ZDHHC9: variants seen among roughly 807,000 people sequenced by gnomAD.
ZDHHC9 encodes palmitoyltransferase ZDHHC9.
Under a neutral mutation model 26.6 loss-of-function variants are expected in ZDHHC9, and 3 were observed. That is an observed-to-expected ratio of 0.11 (90% confidence interval 0.05 to 0.29). The LOEUF (loss-of-function observed/expected upper bound fraction) is 0.29, where lower values mean the gene tolerates loss of function less well. ZDHHC9 is among the 10% of genes least tolerant of loss of function. ZDHHC9 has a pLI of 1.00. For synonymous variants in ZDHHC9, 111 were observed against 109.4 expected, an observed-to-expected ratio of 1.01 and a Z score of -0.09; for missense variants, 146 against 296.4, an observed-to-expected ratio of 0.49 and a Z score of 3.73.
chrX:129,804,857 G>T lies in ZDHHC9; in HGVS notation c.*1513C>A, dbSNP rs1192247774. The T allele has an allele frequency of 9.0e-6, 1 of 111,007 alleles. No homozygotes were observed. Among genetic ancestry groups the T allele is most frequent in the Non-Finnish European group, 1.9e-5 (1 of 52,900 alleles). 9.1% of individuals were successfully genotyped at this position (111,007 alleles called of 1,213,427 possible). A position where few individuals can be genotyped will look rare whatever the true frequency, so the allele number is the denominator to read the frequency against. ...TTAATGGAAGTTTGGGGAGTAACAA[G>T]CAACCCCTTCCAACCCCCACCCCCA... On this transcript the variant is annotated 3_prime_UTR_variant, in exon 11 of 11. Coordinates refer to ENST00000357166, the MANE Select transcript of ZDHHC9 (RefSeq NM_016032.4).
At position 129,829,034 on chromosome X, in the gene ZDHHC9, C is replaced by T; in HGVS notation, c.275G>A (p.Gly92Glu). Residue 92 changes from glycine (G) to glutamate (E), a missense_variant, in exon 4 of 11, where the codon GGA becomes GAA. This residue lies in a region of ZDHHC9 where 100 missense variants were observed against 250.0 expected (regional missense o/e 0.40). Coordinates refer to ENST00000357166, the MANE Select transcript of ZDHHC9 (RefSeq NM_016032.4). ...TLLRTSFSDP[G>E]VIPRALPDEA... ...ATCTGGTAGCGCCCGAGGAATCACT[C>T]CAGGGTCACTGAAGCTGGTCCTCAA... 1 of 1,211,823 alleles carries T rather than the reference C, an allele frequency of 8.3e-7. No homozygotes were observed. The highest frequency in any genetic ancestry group is 1.1e-6 in the Non-Finnish European group (1 of 895,556).
intron 6 of ZDHHC9, among the ~76,000 whole-genome samples, chrX:129,813,927 G>C (rs1927702593): frequency 8.9e-6 from 1 of 112,235 alleles, no homozygotes; most frequent in Non-Finnish European, 1.9e-5. Context: ...TTCCAGTGCA[G>C]GACCAGGCCC....
At chrX:129,828,284 T>G (rs111385318) in intron 4 of ZDHHC9, among the ~76,000 whole-genome samples, 10 of 111,728 alleles carry the variant, frequency 9.0e-5, no homozygotes, top group Non-Finnish European at 1.9e-4. Context: ...CTTGAGCCAC[T>G]TGCTCAAGCC....
At chrX:129,809,841 A>C (rs1569317220) in intron 10 of ZDHHC9, among the ~76,000 whole-genome samples, 3 of 110,210 alleles carry the variant, frequency 2.7e-5, no homozygotes, top group Non-Finnish European at 5.7e-5. Flanking sequence ...CTACTAAAAA[A>C]TACAAAATTA....
intron 4 of ZDHHC9, among the ~76,000 whole-genome samples, chrX:129,826,311 C>T (rs1034639086): frequency 9.0e-6 from 1 of 111,183 alleles, no homozygotes; most frequent in Non-Finnish European, 1.9e-5. Context: ...CCGTATCAGG[C>T]AAGGGCATCA....
intron 7 of ZDHHC9, among the ~76,000 whole-genome samples, chrX:129,813,226 C>T (rs777239976): frequency 1.1e-4 from 12 of 112,007 alleles, no homozygotes; most frequent in Middle Eastern, 4.6e-3. Flanking sequence ...GTGAAACCCC[C>T]GTCTCTATTA....
intron 3 of ZDHHC9, among the ~76,000 whole-genome samples, chrX:129,836,040 C>T (rs746780140): frequency 1.6e-3 from 180 of 111,633 alleles, no homozygotes; most frequent in Non-Finnish European, 2.0e-3. Context: ...CCAGAGAATG[C>T]ACTCTTGGTT....
intron 5 of ZDHHC9, among the ~76,000 whole-genome samples, chrX:129,815,522 A>G (rs1018563026): frequency 8.9e-6 from 1 of 112,197 alleles, no homozygotes; most frequent in Non-Finnish European, 1.9e-5. Flanking sequence ...TACTGGAAGA[A>G]AACAGATGAC....
Position 129,841,848 on chromosome X carries a change from C to T in ZDHHC9, c.98G>A (p.Arg33Gln), listed in dbSNP as rs767597857. The stretch of plus-strand genomic sequence containing the variant: ...GGTCAGGTAGAAAATGCCCTTTTGC[C>T]GGGCCATCATGACGCGGCCATCACA... ...FCCDGRVMMA[R>Q]QKGIFYLTLF... The change falls in exon 3 of 11, where the codon CGG becomes CAG. Residue 33 changes from arginine to glutamine, a missense_variant. By Grantham distance (43) the Arg-to-Gln change is conservative (BLOSUM62 1). Coordinates refer to ENST00000357166, the MANE Select transcript of ZDHHC9 (RefSeq NM_016032.4). 6.6e-6 allele frequency: 8 copies of T among 1,209,825 alleles called. No individual in the cohort carries two copies. Among genetic ancestry groups the T allele is most frequent in the South Asian group, 1.8e-5 (1 of 56,813 alleles).
intron 3 of ZDHHC9, among the ~76,000 whole-genome samples, chrX:129,836,246 A>T (rs1928257850): frequency 9.0e-6 from 1 of 111,489 alleles, no homozygotes; most frequent in African/African-American, 3.3e-5. Context: ...CCTGTCTGCC[A>T]GACACACCTC....
At chrX:129,836,480 T>C (rs1313537791) in intron 3 of ZDHHC9, among the ~76,000 whole-genome samples, 2 of 111,464 alleles carry the variant, frequency 1.8e-5, no homozygotes, top group Non-Finnish European at 3.8e-5. Flanking sequence ...AGACAGGGTT[T>C]CACCATGTTG....
intron 1 of ZDHHC9, 54 bp from the exon 2 acceptor site, chrX:129,843,380 G>A (rs1928427757): frequency 8.9e-6 from 1 of 112,370 alleles, no homozygotes; most frequent in Admixed American, 9.3e-5. Context: ...CTCCCCAGCG[G>A]GGGGCCGGAG....
intron 5 of ZDHHC9, among the ~76,000 whole-genome samples, chrX:129,816,627 C>T (rs749897379): frequency 1.8e-5 from 2 of 111,558 alleles, no homozygotes; most frequent in Non-Finnish European, 3.8e-5. Context: ...AAAATAATAG[C>T]ATATTTTATG....
intron 3 of ZDHHC9, among the ~76,000 whole-genome samples, chrX:129,832,976 A>T (rs779331335): frequency 9.7e-6 from 1 of 103,350 alleles, no homozygotes; most frequent in African/African-American, 3.4e-5. Flanking sequence ...AAAAAAAAAA[A>T]AAAAAAAAGA....
chrX:129,827,886 G>C (rs183232852), intron 4 of ZDHHC9, among the ~76,000 whole-genome samples: 527 of 111,933 alleles, frequency 4.7e-3, no homozygotes, highest in Middle Eastern at 0.028. Context: ...GCGCAATCTA[G>C]GCTCACTGCA....
chrX:129,816,389 G>A (rs1332841763), intron 5 of ZDHHC9, among the ~76,000 whole-genome samples: 2 of 109,762 alleles, frequency 1.8e-5, no homozygotes, highest in Admixed American at 9.8e-5. Context: ...TTTTGGATCC[G>A]CATTTGGTTG....
rs759888398 is a variant in ZDHHC9 at position 129,837,586 on chromosome X, C to A, written c.167+4193G>T. Among the ~76,000 whole-genome samples the A allele has an allele frequency of 1.7e-3, 191 of 112,209 alleles. 1 individual carries two copies. The highest frequency in any genetic ancestry group is 5.7e-3 in the African/African-American group (177 of 30,921). On this transcript the variant is annotated intron_variant, in intron 3 of 10. Transcript: ENST00000357166. ...TTCATCCAATTCAATGACTCTTCTG[C>A]CAATATATACATCAAAAGCTCTAAT...
intron 3 of ZDHHC9, among the ~76,000 whole-genome samples, chrX:129,838,538 A>T (rs1436549722): frequency 1.8e-5 from 2 of 111,172 alleles, no homozygotes; most frequent in Non-Finnish European, 3.8e-5. Context: ...TGTATTTGGC[A>T]GGTGTCTGTA....
At chrX:129,811,975 T>C (rs1927651914) in intron 8 of ZDHHC9, among the ~76,000 whole-genome samples, 1 of 111,737 alleles carries the variant, frequency 8.9e-6, no homozygotes, top group African/African-American at 3.3e-5. Context: ...ATATAAATCA[T>C]ACTACTAACA....
Sources: gnomAD v4.1 joint callset for allele counts (sites outside exome capture counted in the v4.1 genomes callset) on GRCh38, gnomAD v4.1.1 for gene constraint, gnomAD v4.1.1 regional missense constraint, MANE v1.5 for transcripts, NCBI Gene and HGNC (gene_info 2026-07-23, HGNC 2026-07-21) for gene names.